CTBP2: variants seen among roughly 807,000 people sequenced by gnomAD.
CTBP2 encodes the protein C-terminal-binding protein 2.
A neutral mutation model predicts 80.3 loss-of-function variants in CTBP2; 30 were observed. The observed-to-expected ratio is 0.37, with a 90% CI of 0.28 to 0.51. CTBP2 has a LOEUF of 0.51. CTBP2 is among the 20% of genes least tolerant of loss of function. The probability of loss-of-function intolerance (pLI) is 0.93; values close to 1 mark genes in which losing one functional copy is unlikely to be tolerated. For missense variants in CTBP2, 1,212 were observed against 1,375.3 expected, an observed-to-expected ratio of 0.88 and a Z score of 1.88; for synonymous variants, 594 against 587.4, an observed-to-expected ratio of 1.01 and a Z score of -0.16.
intron 1 of CTBP2, among the ~76,000 whole-genome samples, chr10:125,148,398 C>T (rs1055628955): frequency 1.3e-5 from 2 of 152,202 alleles, no homozygotes; most frequent in Admixed American, 1.3e-4. Flanking sequence ...AGCCCCCTTC[C>T]CACTAACCAC....
intron 2 of CTBP2, among the ~76,000 whole-genome samples, chr10:125,041,189 C>CT (rs1409082413): frequency 6.6e-6 from 1 of 152,226 alleles, no homozygotes; most frequent in African/African-American, 2.4e-5. Flanking sequence ...TCAAGCAATC[C>CT]TCCCACCTCA....
intron 1 of CTBP2, among the ~76,000 whole-genome samples, chr10:125,157,824 A>C (rs1295502736): frequency 6.6e-6 from 1 of 152,238 alleles, no homozygotes; most frequent in African/African-American, 2.4e-5. Flanking sequence ...ATTTTGCAAG[A>C]AAGAGGGCCT....
rs757079965 is a variant in CTBP2, at chr10:125,027,705, C to A, written c.55G>T (p.Ala19Ser). The A allele has an allele frequency of 6.2e-7, 1 of 1,613,076 alleles. No individual in the cohort carries two copies. Among genetic ancestry groups the A allele is most frequent in the Non-Finnish European group, 8.5e-7 (1 of 1,179,584 alleles). The change falls in exon 1 of 9, where the codon GCT becomes TCT. Residue 19 changes from alanine (A) to serine (S), a missense_variant. Coordinates refer to ENST00000309035, the MANE Select transcript of CTBP2 (RefSeq NM_022802.3). ...TCCCAGGGGCCCTCGTACCACCCAG[C>A]AGCATCCCAGCTCTGAGAACGACCA...
intron 2 of CTBP2, among the ~76,000 whole-genome samples, chr10:125,058,825 C>T (rs1172062098): frequency 2.0e-5 from 3 of 152,104 alleles, no homozygotes; most frequent in African/African-American, 7.2e-5. Context: ...ACCCGGGAGG[C>T]GGTGGCTGCA....
intron 1 of CTBP2, among the ~76,000 whole-genome samples, chr10:125,132,039 G>C (rs909700383): frequency 2.6e-5 from 4 of 152,062 alleles, no homozygotes; most frequent in African/African-American, 9.7e-5. Context: ...TAGCACTCTG[G>C]GTCTCTGAAC....
chr10:125,132,212 T>A (rs537505222), intron 1 of CTBP2, among the ~76,000 whole-genome samples: 1 of 152,086 alleles, frequency 6.6e-6, no homozygotes, highest in East Asian at 1.9e-4. Context: ...ACTCTAAAAC[T>A]TTTGCAAAAA....
intron 2 of CTBP2, among the ~76,000 whole-genome samples, chr10:125,101,102 C>T (rs1236463873): frequency 1.3e-5 from 2 of 152,172 alleles, no homozygotes; most frequent in Non-Finnish European, 2.9e-5. Flanking sequence ...AGCCATTATT[C>T]AGTGTGAAAT....
intron 2 of CTBP2, among the ~76,000 whole-genome samples, chr10:125,069,289 T>TAA (rs1845100628): frequency 6.6e-6 from 1 of 152,202 alleles, no homozygotes; most frequent in Non-Finnish European, 1.5e-5. Context: ...GTCCAACTTG[T>TAA]AAACGCCCAC....
intron 2 of CTBP2, among the ~76,000 whole-genome samples, chr10:125,080,650 C>T (rs577282635): frequency 7.2e-5 from 11 of 152,302 alleles, no homozygotes; most frequent in African/African-American, 2.4e-4. Context: ...AATAGTCACG[C>T]AAGAAATCCA....
chr10:125,080,905 C>T (rs1319215105), intron 2 of CTBP2, among the ~76,000 whole-genome samples: 1 of 151,894 alleles, frequency 6.6e-6, no homozygotes, highest in African/African-American at 2.4e-5. Flanking sequence ...CTCCCACATC[C>T]CATACCCAGA....
rs546918459 is a variant in CTBP2 at position 124,989,611 on chromosome 10, G to A, written c.2865C>T (p.His955=). 5 of 1,612,750 alleles carry A rather than the reference G, an allele frequency of 3.1e-6. No individual in the cohort carries two copies. Among genetic ancestry groups the A allele is most frequent in the Non-Finnish European group, 4.2e-6 (5 of 1,179,474 alleles). ...AAGGATGTGCCACTGTCGGGAGGTT[G>A]TGAGTCACTGGGATGCCTCCAGGGA... is the stretch of plus-strand genomic sequence containing the variant. Residue 955 remains histidine (H), a synonymous_variant, in exon 9 of 9, where the codon CAC becomes CAT. Transcript: ENST00000309035.
At chr10:124,997,623 G>A (rs921971499) in intron 4 of CTBP2, 10 of 325,728 alleles carry the variant, frequency 3.1e-5, no homozygotes, top group East Asian at 3.0e-4. Context: ...GCTGCTTTAC[G>A]ACACACCTCC....
intron 2 of CTBP2, among the ~76,000 whole-genome samples, chr10:125,057,761 G>A (rs1964234747): frequency 6.6e-6 from 1 of 152,220 alleles, no homozygotes; most frequent in Admixed American, 6.5e-5. Context: ...TCCAGCCTCT[G>A]GAAGCCTCTT....
chr10:125,105,344 G>T (rs554722471), intron 2 of CTBP2, among the ~76,000 whole-genome samples: 81 of 152,284 alleles, frequency 5.3e-4, no homozygotes, highest in Non-Finnish European at 1.1e-3. Flanking sequence ...TAGAGATGGG[G>T]TCTTGCTATG....
Position 125,098,764 on chromosome 10 carries a change from G to GAC in CTBP2, c.-102+12225_-102+12226insGT, listed in dbSNP as rs1554925260. 1.5e-4 allele frequency among the ~76,000 whole-genome samples: 16 copies of GAC among 105,402 alleles called. 1 individual carries two copies. The highest frequency in any genetic ancestry group is 6.0e-4 in the South Asian group (2 of 3,326). The allele number at this position is 105,402 out of a possible 152,430, so 69.1% of individuals were successfully genotyped here. A position where few individuals can be genotyped will look rare whatever the true frequency, so the allele number is the denominator to read the frequency against. ...AGAGAGAGAGACAGAGAGAGAGAGA[G>GAC]AGAGAGAGAGAGAGACAGAGAGAGA... On this transcript the variant is annotated intron_variant, in intron 2 of 10. Transcript: ENST00000337195.
intron 1 of CTBP2, among the ~76,000 whole-genome samples, chr10:125,023,737 CAA>C (rs1331886336): frequency 6.6e-6 from 1 of 152,128 alleles, no homozygotes; most frequent in Non-Finnish European, 1.5e-5. Context: ...CAAAACCCAC[CAA>C]GATAAGGCAG....
chr10:125,041,645 T>A (rs4962424), intron 2 of CTBP2, among the ~76,000 whole-genome samples: 45,684 of 151,840 alleles, frequency 0.3, 7,021 homozygotes, highest in Admixed American at 0.34. Flanking sequence ...TAAAAACAGA[T>A]TTCCACATCA....
rs549197549 is a variant in CTBP2, at chr10:124,994,452, A to G, written c.2400+17T>C. Reference sequence around the variant, plus strand: ...ACCTTTCGACAGAAGCTTCCATGGCATCTATTTTCAAATTACCTGCTTTAT... The same window carrying G: ...ACCTTTCGACAGAAGCTTCCATGGCGTCTATTTTCAAATTACCTGCTTTAT... On this transcript the variant is annotated intron_variant, in intron 5 of 8. Transcript: ENST00000309035. 1 of 1,612,158 alleles carries G rather than the reference A, an allele frequency of 6.2e-7. No homozygotes were observed. Among genetic ancestry groups the G allele is most frequent in the African/African-American group, 1.3e-5 (1 of 75,006 alleles).
At chr10:125,041,106 C>T (rs1018412836) in intron 2 of CTBP2, among the ~76,000 whole-genome samples, 1 of 152,132 alleles carries the variant, frequency 6.6e-6, no homozygotes, top group Non-Finnish European at 1.5e-5. Context: ...TTTGGTGAGA[C>T]AGGGTCTGTT....
Sources: allele counts gnomAD v4.1 joint callset (sites outside exome capture counted in the v4.1 genomes callset), GRCh38; gene constraint gnomAD v4.1.1; transcripts MANE v1.5; gene names NCBI Gene and HGNC (gene_info 2026-07-23, HGNC 2026-07-21).